TRMT11: variants seen among roughly 807,000 people sequenced by gnomAD.
TRMT11 encodes the protein tRNA (guanine(10)-N(2))-methyltransferase TRMT11.
In TRMT11, 53 loss-of-function variants were observed where a neutral mutation model predicts 62.8. The observed-to-expected ratio is 0.84, with a 90% confidence interval of 0.68 to 1.06. The LOEUF is 1.06. Ranked by LOEUF, TRMT11 falls within the 50% of genes least tolerant of loss-of-function variation. The pLI, the probability that TRMT11 is intolerant of heterozygous loss-of-function variation, is 0.00. For synonymous variants in TRMT11, 188 were observed against 190.3 expected (o/e 0.99, Z 0.10); for missense variants, 556 against 553.4 (o/e 1.00, Z -0.05).
chr6:126,066,922 TAAAAA>T (rs371763379), intron 17 of TRMT11, among the ~76,000 whole-genome samples: 1 of 137,208 alleles, frequency 7.3e-6, no homozygotes, highest in African/African-American at 2.7e-5. Flanking sequence ...ATTCATGACT[TAAAAA>T]AAAAAAAAAA....
At chr6:126,235,148 A>G in the TRMT11 span, among the ~76,000 whole-genome samples, 1 of 152,196 alleles carries the variant, frequency 6.6e-6, no homozygotes, top group Non-Finnish European at 1.5e-5. Flanking sequence ...GAAAATCCCA[A>G]TGAGATACCA....
At chr6:126,009,251 C>T (rs1294168887) in intron 8 of TRMT11, 1 of 151,882 alleles carries the variant, frequency 6.6e-6, no homozygotes, top group Non-Finnish European at 1.5e-5. Context: ...AATTTTATAA[C>T]TGACCAAAAC....
intron 17 of TRMT11, among the ~76,000 whole-genome samples, chr6:126,090,860 T>C (rs1777266344): frequency 6.6e-6 from 1 of 152,176 alleles, no homozygotes; most frequent in Admixed American, 6.5e-5. Flanking sequence ...AGCTTTTCTT[T>C]GAAACAGATG....
intron 21 of TRMT11, among the ~76,000 whole-genome samples, chr6:126,138,760 A>T (rs902456375): frequency 4.6e-5 from 7 of 152,220 alleles, no homozygotes; most frequent in South Asian, 2.1e-4. Context: ...GCATTAAAAA[A>T]TTTAGTTATA....
chr6:126,208,170 C>T (rs958786406), downstream of TRMT11, among the ~76,000 whole-genome samples: 4 of 152,160 alleles, frequency 2.6e-5, no homozygotes, highest in African/African-American at 4.8e-5. Flanking sequence ...TTCTAAATCA[C>T]CTGGAGTGGG....
intron 3 of TRMT11, among the ~76,000 whole-genome samples, chr6:126,200,691 A>C (rs1307398084): frequency 6.6e-6 from 1 of 152,132 alleles, no homozygotes; most frequent in African/African-American, 2.4e-5. Context: ...AGTAGCTGGG[A>C]CTACAGGCGC....
At chr6:126,021,047 G>T (rs1795733617) in intron 11 of TRMT11, 113 bp from the exon 12 acceptor site, 3 of 1,209,662 alleles carry the variant, frequency 2.5e-6, no homozygotes. Context: ...TAGCATATGT[G>T]GGGAAAAAGA....
chr6:126,120,217 G>T (rs1777634122), intron 21 of TRMT11, among the ~76,000 whole-genome samples: 1 of 152,150 alleles, frequency 6.6e-6, no homozygotes, highest in African/African-American at 2.4e-5. Flanking sequence ...GGAGGTTGTA[G>T]TGAGCTGAGA....
chr6:126,047,385 G>A (rs191702549), intron 16 of TRMT11, among the ~76,000 whole-genome samples: 2 of 151,796 alleles, frequency 1.3e-5, no homozygotes, highest in Non-Finnish European at 2.9e-5. Context: ...TTTGGCTGGA[G>A]ATGGTTGGAG....
chr6:126,264,936 C>T, the TRMT11 span, among the ~76,000 whole-genome samples: 1 of 152,022 alleles, frequency 6.6e-6, no homozygotes, highest in Non-Finnish European at 1.5e-5. Context: ...GGCTCATGTT[C>T]CTCTGGAGAA....
chr6:126,024,836 G>A (rs1250386009), intron 12 of TRMT11, among the ~76,000 whole-genome samples: 1 of 152,126 alleles, frequency 6.6e-6, no homozygotes, highest in Non-Finnish European at 1.5e-5. Context: ...AGGAAGTAAG[G>A]CATTTTGATA....
intron 3 of TRMT11, among the ~76,000 whole-genome samples, chr6:125,997,665 G>C (rs1791752736): frequency 6.6e-6 from 1 of 152,266 alleles, no homozygotes; most frequent in Non-Finnish European, 1.5e-5. Flanking sequence ...GTGCCACCAT[G>C]CCTGGCTGAT....
chr6:126,242,980 C>T, the TRMT11 span, among the ~76,000 whole-genome samples: 5 of 152,094 alleles, frequency 3.3e-5, no homozygotes, highest in Non-Finnish European at 5.9e-5. Context: ...AAGAAACTAC[C>T]ATCAGAGTGA....
chr6:126,127,661 C>T (rs1458022388), intron 21 of TRMT11, among the ~76,000 whole-genome samples: 1 of 134,928 alleles, frequency 7.4e-6, no homozygotes, highest in African/African-American at 2.7e-5. Context: ...CCCCTCCCCC[C>T]ACCCCACGAC....
intron 17 of TRMT11, among the ~76,000 whole-genome samples, chr6:126,083,499 T>C (rs1777181640): frequency 6.6e-6 from 1 of 152,178 alleles, no homozygotes; most frequent in African/African-American, 2.4e-5. Context: ...AAATACATTA[T>C]ATTGTGCATA....
In TRMT11 at chr6:125,994,579, G is replaced by A. The variant is rs535872863; in HGVS notation, c.138+757G>A. ...TTATTTTGAATTTTTCTGTTGGGTA[G>A]GGTAAATATTGGAAGAAAAAAAACG... On this transcript the variant is annotated intron_variant, in intron 2 of 12. Coordinates refer to ENST00000334379, the MANE Select transcript of TRMT11 (RefSeq NM_001031712.3). Among the ~76,000 whole-genome samples the A allele has an allele frequency of 4.4e-4, 67 of 152,094 alleles. 2 individuals are homozygous for A. The South Asian group carries it at 0.013, about 31-fold the overall frequency.
the TRMT11 span, among the ~76,000 whole-genome samples, chr6:126,246,449 A>C: frequency 1.3e-5 from 2 of 152,172 alleles, no homozygotes; most frequent in African/African-American, 2.4e-5. Context: ...AGTAAAACAT[A>C]GTGTGAATGA....
At chr6:126,067,646 T>G (rs566359677) in intron 17 of TRMT11, among the ~76,000 whole-genome samples, 1 of 152,362 alleles carries the variant, frequency 6.6e-6, no homozygotes, top group South Asian at 2.1e-4. Context: ...CTGTAAACAT[T>G]CTTTTACATG....
the TRMT11 span, among the ~76,000 whole-genome samples, chr6:126,223,207 G>A: frequency 6.6e-6 from 1 of 152,244 alleles, no homozygotes; most frequent in East Asian, 1.9e-4. Context: ...GGATCACAAG[G>A]TCAGGAGATT....
Sources: allele counts gnomAD v4.1 joint callset (sites outside exome capture counted in the v4.1 genomes callset), GRCh38; gene constraint gnomAD v4.1.1; transcripts MANE v1.5; gene names NCBI Gene and HGNC (gene_info 2026-07-23, HGNC 2026-07-21).